Variants in SLC44A5 observed in about 807,000 individuals in gnomAD.
SLC44A5 encodes solute carrier family 44 member 5.
A neutral mutation model predicts 101.8 loss-of-function variants in SLC44A5; 57 were observed. The ratio of observed to expected loss-of-function variants is 0.56; its 90% CI spans 0.45 to 0.70. SLC44A5 has a LOEUF of 0.70. Among genes scored for constraint, SLC44A5 ranks in the 30% least tolerant of loss-of-function variants. SLC44A5 has a pLI of 0.00. For synonymous variants in SLC44A5, 281 were observed against 290.9 expected (o/e 0.97, Z 0.35); for missense variants, 737 against 853.1 (o/e 0.86, Z 1.70).
At chr1:75,521,307 C>T (rs967250948) in intron 2 of SLC44A5, among the ~76,000 whole-genome samples, 15 of 152,230 alleles carry the variant, frequency 9.9e-5, no homozygotes, top group African/African-American at 2.9e-4. Context: ...AATAGTGTAA[C>T]GTCTGGGACG....
intron 3 of SLC44A5, among the ~76,000 whole-genome samples, chr1:75,373,281 T>G (rs1660348745): frequency 6.6e-6 from 1 of 152,002 alleles, no homozygotes; most frequent in Non-Finnish European, 1.5e-5. Context: ...GGGAGGAAAC[T>G]GGGAAGCCTG....
At chr1:75,373,053 A>G (rs2101183309) in intron 3 of SLC44A5, among the ~76,000 whole-genome samples, 1 of 152,360 alleles carries the variant, frequency 6.6e-6, no homozygotes, top group Middle Eastern at 3.4e-3. Flanking sequence ...ATTGGTATTT[A>G]GAAGCAGAGT....
At chr1:75,330,285 C>T (rs959756094) in intron 4 of SLC44A5, among the ~76,000 whole-genome samples, 1 of 151,796 alleles carries the variant, frequency 6.6e-6, no homozygotes, top group African/African-American at 2.4e-5. Context: ...CCCTCTCCAA[C>T]ACTCAACACT....
chr1:75,216,772 C>G (rs1300773196), intron 18 of SLC44A5, among the ~76,000 whole-genome samples: 1 of 151,948 alleles, frequency 6.6e-6, no homozygotes, highest in East Asian at 1.9e-4. Flanking sequence ...AATATCTATT[C>G]AAGTTCTTTG....
the SLC44A5 span, among the ~76,000 whole-genome samples, chr1:75,663,880 C>G: frequency 6.6e-6 from 1 of 152,182 alleles, no homozygotes; most frequent in African/African-American, 2.4e-5. Context: ...GGCCAATATC[C>G]CTGATGAACA....
chr1:75,478,922 C>T (rs1384133357), intron 2 of SLC44A5, among the ~76,000 whole-genome samples: 2 of 152,204 alleles, frequency 1.3e-5, no homozygotes, highest in Non-Finnish European at 2.9e-5. Flanking sequence ...CTACAGAACT[C>T]TCCACCCCAA....
chr1:75,395,621 GA>G (rs1662076508), intron 3 of SLC44A5, among the ~76,000 whole-genome samples: 1 of 152,100 alleles, frequency 6.6e-6, no homozygotes, highest in Non-Finnish European at 1.5e-5. Context: ...AAAGAGGCAG[GA>G]AAGTACATGT....
chr1:75,272,293 T>C (rs1321468743), intron 6 of SLC44A5, among the ~76,000 whole-genome samples: 1 of 150,750 alleles, frequency 6.6e-6, no homozygotes, highest in Non-Finnish European at 1.5e-5. Context: ...TTTATTTTGC[T>C]GAGCAGAAGC....
the SLC44A5 span, among the ~76,000 whole-genome samples, chr1:75,702,849 G>T: frequency 1.3e-5 from 2 of 152,086 alleles, no homozygotes; most frequent in African/African-American, 4.8e-5. Flanking sequence ...AGTGGGCAAA[G>T]GATATGAACA....
intron 3 of SLC44A5, among the ~76,000 whole-genome samples, chr1:75,376,617 G>T (rs1219470365): frequency 2.6e-5 from 4 of 151,854 alleles, no homozygotes; most frequent in Non-Finnish European, 4.4e-5. Flanking sequence ...GCAGCTGAGG[G>T]TCCTGTCTGT....
the SLC44A5 span, among the ~76,000 whole-genome samples, chr1:75,700,857 C>CA: frequency 2.0e-5 from 3 of 152,106 alleles, no homozygotes; most frequent in Admixed American, 2.0e-4. Flanking sequence ...TACAAACTAC[C>CA]ATCAGAGAAT....
intron 3 of SLC44A5, among the ~76,000 whole-genome samples, chr1:75,358,487 T>C (rs1302696301): frequency 6.6e-6 from 1 of 152,178 alleles, no homozygotes; most frequent in African/African-American, 2.4e-5. Flanking sequence ...TTAAGGTATA[T>C]AATGTGATGA....
chr1:75,720,471 G>A, the SLC44A5 span: 2 of 152,150 alleles, frequency 1.3e-5, no homozygotes, highest in Admixed American at 6.5e-5. Context: ...TTGAGAGATG[G>A]TTCTATTCCT....
intron 5 of SLC44A5, among the ~76,000 whole-genome samples, chr1:75,285,520 G>T (rs993705921): frequency 6.6e-6 from 1 of 151,768 alleles, no homozygotes; most frequent in African/African-American, 2.4e-5. Context: ...GTTTGGGTTT[G>T]GTTTGTTCTT....
intron 11 of SLC44A5, among the ~76,000 whole-genome samples, chr1:75,235,041 A>AT (rs1647950391): frequency 6.6e-6 from 1 of 152,096 alleles, no homozygotes; most frequent in South Asian, 2.1e-4. Context: ...TCTTTTTATT[A>AT]TAAAAAATCT....
chr1:75,251,344 T>C (rs757724699), intron 6 of SLC44A5, 50 bp from the exon 7 acceptor site: 1 of 1,463,112 alleles, frequency 6.8e-7, no homozygotes, highest in Admixed American at 1.8e-5. Context: ...AAATGTTCCA[T>C]ATCATTTCAG....
At chr1:75,207,234 G>A (rs974006354) in intron 23 of SLC44A5, among the ~76,000 whole-genome samples, 1 of 152,120 alleles carries the variant, frequency 6.6e-6, no homozygotes, top group African/African-American at 2.4e-5. Flanking sequence ...AGGTAAATAG[G>A]ATGAGATAGG....
At chr1:75,653,259 T>A in the SLC44A5 span, among the ~76,000 whole-genome samples, 74,716 of 151,918 alleles carry the variant, frequency 0.49, 19,609 homozygotes, top group East Asian at 0.93. Context: ...AAGCAGGTGG[T>A]TCACCAGAGG....
chr1:75,536,048 A>G (rs1670981102), intron 2 of SLC44A5, among the ~76,000 whole-genome samples: 1 of 149,654 alleles, frequency 6.7e-6, no homozygotes, highest in African/African-American at 2.5e-5. Context: ...GTCTCTTGAA[A>G]AAAAAAAAAA....
Sources: gnomAD v4.1 joint callset for allele counts (sites outside exome capture counted in the v4.1 genomes callset) on GRCh38, gnomAD v4.1.1 for gene constraint, MANE v1.5 for transcripts, NCBI Gene and HGNC (gene_info 2026-07-23, HGNC 2026-07-21) for gene names.